NTRK3: variants seen among roughly 807,000 people sequenced by gnomAD.
NTRK3 encodes neurotrophic receptor tyrosine kinase 3.
In NTRK3, 24 loss-of-function variants were observed where a neutral mutation model predicts 91.7. The observed-to-expected ratio is 0.26, with a 90% CI of 0.19 to 0.37. NTRK3 has a LOEUF of 0.37. Among genes scored for constraint, NTRK3 ranks in the 10% least tolerant of loss-of-function variants. The probability of loss-of-function intolerance (pLI) is 1.00; values close to 1 mark genes in which losing one functional copy is unlikely to be tolerated. For synonymous variants in NTRK3, 483 were observed against 404.0 expected (o/e 1.20, Z -2.34); for missense variants, 880 against 1,068.9 (o/e 0.82, Z 2.46).
At chr15:87,899,957 T>C (rs1038125042) in intron 17 of NTRK3, among the ~76,000 whole-genome samples, 3 of 152,148 alleles carry the variant, frequency 2.0e-5, no homozygotes, top group Non-Finnish European at 4.4e-5. Flanking sequence ...GTACTCTTCA[T>C]CCAATGGAAA....
chr15:88,183,482 T>C, exon 5 of NTRK3: 1 of 1,614,044 alleles, frequency 6.2e-7, no homozygotes, highest in Non-Finnish European at 8.5e-7. Flanking sequence ...CCTGAGTTCT[T>C]GATGGTCCTA....
intron 13 of NTRK3, among the ~76,000 whole-genome samples, chr15:88,084,750 G>A (rs76674877): frequency 6.6e-6 from 1 of 152,172 alleles, no homozygotes; most frequent in Non-Finnish European, 1.5e-5. Context: ...GACAGTAAAT[G>A]AGTGCTCCAT....
exon 19 of NTRK3, chr15:87,871,202 A>G (rs1304395960): frequency 8.6e-6 from 2 of 231,454 alleles, no homozygotes; most frequent in Admixed American, 5.6e-5. Context: ...CTGACACTTG[A>G]ACCAAAGACA....
At chr15:88,047,549 A>G (rs1596973181) in intron 13 of NTRK3, among the ~76,000 whole-genome samples, 1 of 152,326 alleles carries the variant, frequency 6.6e-6, no homozygotes, top group East Asian at 1.9e-4. Flanking sequence ...AGATCAGGTT[A>G]TATTATTAAA....
intron 13 of NTRK3, among the ~76,000 whole-genome samples, chr15:88,116,745 AC>A (rs1201250339): frequency 2.0e-5 from 3 of 152,196 alleles, no homozygotes; most frequent in Admixed American, 1.3e-4. Context: ...TCCAATATTC[AC>A]TTGCATGTTC....
At chr15:87,973,615 G>A (rs531737258) in intron 14 of NTRK3, among the ~76,000 whole-genome samples, 15 of 152,198 alleles carry the variant, frequency 9.9e-5, no homozygotes, top group African/African-American at 3.4e-4. Flanking sequence ...AAGCAGTTTC[G>A]CCCACATCAG....
At chr15:88,049,590 T>C (rs2142265422) in intron 13 of NTRK3, among the ~76,000 whole-genome samples, 1 of 152,344 alleles carries the variant, frequency 6.6e-6, no homozygotes, top group South Asian at 2.1e-4. Context: ...AAGCCTTATC[T>C]GAATAATGTC....
intron 6 of NTRK3, among the ~76,000 whole-genome samples, chr15:88,143,745 A>C (rs1266195257): frequency 6.6e-6 from 1 of 152,194 alleles, no homozygotes; most frequent in Non-Finnish European, 1.5e-5. Context: ...GAACGGTAGA[A>C]AGTCATCACG....
intron 13 of NTRK3, among the ~76,000 whole-genome samples, chr15:88,104,859 A>G (rs1184077563): frequency 6.6e-6 from 1 of 152,192 alleles, no homozygotes; most frequent in Non-Finnish European, 1.5e-5. Flanking sequence ...AGAGTCAAGG[A>G]GTTAATTCTC....
chr15:88,054,752 G>T (rs2045536021), intron 13 of NTRK3, among the ~76,000 whole-genome samples: 3 of 151,798 alleles, frequency 2.0e-5, no homozygotes, highest in Admixed American at 6.6e-5. Context: ...TGAAAATATT[G>T]ATGATGATGA....
At chr15:87,964,531 A>C (rs1157990394) in intron 14 of NTRK3, among the ~76,000 whole-genome samples, 5 of 152,128 alleles carry the variant, frequency 3.3e-5, no homozygotes, top group African/African-American at 1.2e-4. Context: ...CACCTATTTT[A>C]ATGTAAAATT....
chr15:87,985,676 T>C (rs752514158), intron 14 of NTRK3, among the ~76,000 whole-genome samples: 2 of 152,142 alleles, frequency 1.3e-5, no homozygotes, highest in Non-Finnish European at 2.9e-5. Context: ...AGGCTGAATG[T>C]ACCCCGACTA....
intron 14 of NTRK3, among the ~76,000 whole-genome samples, chr15:87,944,224 C>A (rs1186059402): frequency 5.3e-5 from 8 of 152,214 alleles, no homozygotes; most frequent in African/African-American, 4.8e-5. Flanking sequence ...AACCAGGGAG[C>A]TTTGGCAGAG....
At chr15:88,161,625 T>A (rs2151436291) in intron 5 of NTRK3, among the ~76,000 whole-genome samples, 1 of 152,250 alleles carries the variant, frequency 6.6e-6, no homozygotes, top group Non-Finnish European at 1.5e-5. Context: ...ACCCATCCAC[T>A]AGCATGGAGG....
chr15:88,242,083 G>C (rs933297160), intron 3 of NTRK3, among the ~76,000 whole-genome samples: 1 of 152,162 alleles, frequency 6.6e-6, no homozygotes, highest in Admixed American at 6.5e-5. Context: ...GGAAGAGCAC[G>C]TAGCCACCTG....
intron 14 of NTRK3, among the ~76,000 whole-genome samples, chr15:88,006,895 C>T (rs948842980): frequency 6.6e-6 from 1 of 152,116 alleles, no homozygotes; most frequent in East Asian, 1.9e-4. Flanking sequence ...GATAACCCCA[C>T]GAGTAATTTT....
chr15:88,023,121 A>G (rs2077724071), intron 14 of NTRK3, among the ~76,000 whole-genome samples: 1 of 152,196 alleles, frequency 6.6e-6, no homozygotes, highest in African/African-American at 2.4e-5. Flanking sequence ...ACCAACATTT[A>G]GGGAACTCAG....
intron 6 of NTRK3, among the ~76,000 whole-genome samples, chr15:88,142,179 CTG>C (rs2042446449): frequency 6.6e-6 from 1 of 152,164 alleles, no homozygotes; most frequent in Non-Finnish European, 1.5e-5. Flanking sequence ...GCTGTCCATC[CTG>C]TGTCCCTCCT....
Position 88,241,749 on chromosome 15 carries a change from C to G in NTRK3, c.248+14157G>C, listed in dbSNP as rs1011441635. ...CCACCCAGCGCACTGGGGAGAAGGG[C>G]TGCCCTATATCCACAGCCCTCTGAC... is the stretch of plus-strand genomic sequence containing the variant. On this transcript the variant is annotated intron_variant, in intron 3 of 18. Coordinates refer to ENST00000394480, the Ensembl canonical transcript of NTRK3. This position sits in a 1 kb window ranked among gnomAD's most constrained non-coding sequence, Gnocchi z 4.3. 2.6e-5 allele frequency among the ~76,000 whole-genome samples: 4 copies of G among 152,200 alleles called. No individual in the cohort carries two copies. The highest frequency in any genetic ancestry group is 9.6e-5 in the African/African-American group (4 of 41,462).
Sources: gnomAD v4.1 joint callset for allele counts (sites outside exome capture counted in the v4.1 genomes callset) on GRCh38, gnomAD v4.1.1 for gene constraint, Gnocchi (gnomAD v3.1) non-coding constraint, MANE v1.5 for transcripts, NCBI Gene and HGNC (gene_info 2026-07-23, HGNC 2026-07-21) for gene names.